MARCO: variants seen among roughly 807,000 people sequenced by gnomAD.
The protein encoded by MARCO is macrophage receptor with collagenous structure, also known as macrophage receptor MARCO.
MARCO carries 72 observed loss-of-function variants against 70.0 expected under a neutral mutation model. The observed-to-expected ratio is 1.03, with a 90% CI of 0.85 to 1.25. MARCO has a LOEUF of 1.25. Among genes scored for constraint, MARCO ranks in the 50% most tolerant of loss-of-function variants. The pLI, the probability that MARCO is intolerant of heterozygous loss-of-function variation, is 0.00. For synonymous variants in MARCO, 273 were observed against 243.1 expected (o/e 1.12, Z -1.14); for missense variants, 696 against 659.3 (o/e 1.06, Z -0.61).
intron 8 of MARCO, 69 bp downstream of exon 8, chr2:118,978,004 C>T (rs1680319732): frequency 9.6e-7 from 1 of 1,038,436 alleles, no homozygotes; most frequent in Non-Finnish European, 1.4e-6. Flanking sequence ...GACCTCTGTG[C>T]CATTGGGTCT....
At chr2:118,947,804 C>T (rs1430832818) in intron 1 of MARCO, among the ~76,000 whole-genome samples, 3 of 152,150 alleles carry the variant, frequency 2.0e-5, no homozygotes, top group Admixed American at 6.5e-5. Flanking sequence ...TTCAAAACTG[C>T]TTTAGCTATT....
intron 8 of MARCO, 57 bp from the exon 9 acceptor site, chr2:118,981,352 C>T (rs1680384613): frequency 9.2e-7 from 1 of 1,090,836 alleles, no homozygotes; most frequent in Admixed American, 2.1e-5. Flanking sequence ...CAGAGGAGGA[C>T]ATGGTGGCCT....
chr2:118,978,060 C>T, intron 8 of MARCO, 125 bp downstream of exon 8: 1 of 590,874 alleles, frequency 1.7e-6, no homozygotes, highest in Non-Finnish European at 3.1e-6. Context: ...CTATGGGAAT[C>T]TCTGGAGCAC....
At chr2:118,977,585 C>A in intron 7 of MARCO, 70 bp downstream of exon 7, 4 of 1,383,270 alleles carry the variant, frequency 2.9e-6, no homozygotes, top group Non-Finnish European at 4.1e-6. Flanking sequence ...TCCCCCCCAC[C>A]CCCCATCCTC....
intron 1 of MARCO, among the ~76,000 whole-genome samples, chr2:118,967,313 T>C (rs1368630700): frequency 3.3e-5 from 5 of 152,172 alleles, no homozygotes; most frequent in African/African-American, 1.2e-4. Flanking sequence ...GGACACACAT[T>C]GCCCCAAGTC....
At position 118,954,674 on chromosome 2, in the gene MARCO, T is replaced by G. The variant is rs1450338030; in HGVS notation, c.97+12277T>G. 2.0e-5 allele frequency among the ~76,000 whole-genome samples: 3 copies of G among 152,210 alleles called. No homozygotes were observed. In the South Asian group the frequency reaches 6.2e-4, roughly 32 times the overall value. On this transcript the variant is annotated intron_variant, in intron 1 of 16. Transcript: ENST00000327097. The stretch of plus-strand genomic sequence containing the variant: ...CCCTCACAGAGTCCACTGCACCCTC[T>G]GCTGCGTCCGCTGGAACAGGTGCTG...
chr2:118,974,502 A>G lies in MARCO; in HGVS notation c.569-19A>G, dbSNP rs775547928. ...CTCCTCCTTCTCTGGCTTCACTCTG[A>G]ATTCCCTTTCCCTTCCAGGCCCCTC... is the stretch of plus-strand genomic sequence containing the variant. On this transcript the variant is annotated intron_variant, in intron 5 of 16. Coordinates refer to ENST00000327097, the MANE Select transcript of MARCO (RefSeq NM_006770.4). 4 of 1,613,848 alleles carry G rather than the reference A, an allele frequency of 2.5e-6. No homozygotes were observed. In the Admixed American group the frequency reaches 6.7e-5, roughly 27 times the overall value.
chr2:118,993,368 G>A, intron 16 of MARCO, 68 bp downstream of exon 16: 1 of 1,469,322 alleles, frequency 6.8e-7, no homozygotes. Flanking sequence ...CGCTGGTGGG[G>A]TGTTGGCAAG....
intron 1 of MARCO, among the ~76,000 whole-genome samples, chr2:118,967,652 G>A (rs532209842): frequency 5.3e-5 from 8 of 152,248 alleles, no homozygotes; most frequent in African/African-American, 1.9e-4. Flanking sequence ...TGCTGCCAGA[G>A]CTACCCCTAG....
At position 118,982,030 on chromosome 2, in the gene MARCO, C is replaced by G. The variant is rs567586388; in HGVS notation, c.902-126C>G. The G allele has an allele frequency of 1.9e-5, 12 of 639,506 alleles. No homozygotes were observed. The South Asian group carries it at 2.2e-4, about 12-fold the overall frequency. 39.6% of individuals were successfully genotyped at this position (639,506 alleles called of 1,614,324 possible). A position where few individuals can be genotyped will look rare whatever the true frequency, so the allele number is the denominator to read the frequency against. On this transcript the variant is annotated intron_variant, in intron 10 of 16. Transcript: ENST00000327097. ...TGGCTTCTAAAGAGAGGTGTTAAAGCTGCCAAGAGGACTGTAAGGTGTTAA... is the reference window on the plus strand; with the variant it reads ...TGGCTTCTAAAGAGAGGTGTTAAAGGTGCCAAGAGGACTGTAAGGTGTTAA...
At chr2:118,953,554 C>T (rs569014952) in intron 1 of MARCO, among the ~76,000 whole-genome samples, 13 of 152,134 alleles carry the variant, frequency 8.5e-5, no homozygotes, top group Non-Finnish European at 1.0e-4. Context: ...GTGGGGGGAA[C>T]GATGGTGGAT....
rs1558671944 is a variant in MARCO, at chr2:118,986,705, GAAA to G, written c.1064-3883_1064-3881del. ...AGAAAGAAAGAAAGAAAGAAAGAAAGAAAGAAAGAAAGAAAGAAAAGAAAGAAA... is the reference window on the plus strand; with the variant it reads ...AGAAAGAAAGAAAGAAAGAAAGAAAGGAAAGAAAGAAAGAAAAGAAAGAAA... On this transcript the variant is annotated intron_variant, in intron 12 of 16. Coordinates refer to ENST00000327097, the MANE Select transcript of MARCO (RefSeq NM_006770.4). Among the ~76,000 whole-genome samples, 62 of 80,672 alleles carry G rather than the reference GAAA, an allele frequency of 7.7e-4. 5 individuals are homozygous for G. The highest frequency in any genetic ancestry group is 1.8e-3 in the African/African-American group (34 of 18,984). 52.9% of individuals were successfully genotyped at this position (80,672 alleles called of 152,430 possible).
intron 6 of MARCO, 97 bp downstream of exon 6, chr2:118,974,662 C>A: frequency 8.5e-7 from 1 of 1,182,236 alleles, no homozygotes; most frequent in Non-Finnish European, 1.2e-6. Context: ...GAGTCTGGAC[C>A]TCTGAGGGGT....
In MARCO at chr2:118,992,433, A is replaced by G. The variant is rs777367228; in HGVS notation, c.1209A>G (p.Gly403=). 2 of 1,613,710 alleles carry G rather than the reference A, an allele frequency of 1.2e-6. No individual in the cohort carries two copies. The highest frequency in any genetic ancestry group is 1.7e-6 in the Non-Finnish European group (2 of 1,179,662). Residue 403 remains glycine, a splice_region_variant and synonymous_variant, in exon 15 of 17, where the codon GGA becomes GGG. Transcript: ENST00000327097. ...GTGTGGGTTTTCTCCTCATGACAGGATCTTCTGGGGAGCAAGGAGTAAAGG... is the reference window on the plus strand; with the variant it reads ...GTGTGGGTTTTCTCCTCATGACAGGGTCTTCTGGGGAGCAAGGAGTAAAGG... ...AGQKGDQGVK[G]SSGEQGVKGE...
intron 1 of MARCO, among the ~76,000 whole-genome samples, chr2:118,962,900 A>G (rs182508920): frequency 1.3e-4 from 20 of 151,946 alleles, no homozygotes; most frequent in Non-Finnish European, 2.8e-4. Flanking sequence ...TAGTGATAGT[A>G]TTTTCTTATT....
intron 6 of MARCO, among the ~76,000 whole-genome samples, 153 bp from the exon 7 acceptor site, chr2:118,977,318 A>G (rs1680301647): frequency 1.4e-5 from 2 of 146,984 alleles, no homozygotes; most frequent in Admixed American, 1.4e-4. Context: ...GTGTGTGAAA[A>G]AGAGAGAGAG....
At chr2:118,986,586 G>GAAGA (rs755693328) in intron 12 of MARCO, among the ~76,000 whole-genome samples, 703 of 46,622 alleles carry the variant, frequency 0.015, 32 homozygotes, top group African/African-American at 0.018. Context: ...GGGAAGGAAA[G>GAAGA]AAGAAAGAAA....
At chr2:118,948,794 T>G (rs1044602794) in intron 1 of MARCO, among the ~76,000 whole-genome samples, 5 of 148,004 alleles carry the variant, frequency 3.4e-5, no homozygotes, top group Admixed American at 2.6e-4. Flanking sequence ...AGGTAAGAAT[T>G]GAAGCTATGT....
chr2:118,965,937 C>A (rs2104571364), intron 1 of MARCO, among the ~76,000 whole-genome samples: 1 of 152,292 alleles, frequency 6.6e-6, no homozygotes, highest in Admixed American at 6.5e-5. Flanking sequence ...GAAGACATTA[C>A]TTCTCTGGGT....
Sources: gnomAD v4.1 joint callset for allele counts (sites outside exome capture counted in the v4.1 genomes callset) on GRCh38, gnomAD v4.1.1 for gene constraint, MANE v1.5 for transcripts, NCBI Gene and HGNC (gene_info 2026-07-23, HGNC 2026-07-21) for gene names.